CELF5: variants seen among roughly 807,000 people sequenced by gnomAD.
CELF5 encodes CUGBP Elav-like family member 5.
CELF5 carries 6 observed loss-of-function variants against 54.9 expected under a neutral mutation model. The observed-to-expected ratio is 0.11, with a 90% CI of 0.06 to 0.22. The LOEUF (loss-of-function observed/expected upper bound fraction) is 0.22. Among genes scored for constraint, CELF5 ranks in the 10% least tolerant of loss-of-function variants. The pLI is 1.00. For synonymous variants in CELF5, 271 were observed against 290.9 expected (o/e 0.93, Z 0.70); for missense variants, 401 against 678.6 (o/e 0.59, Z 4.54).
At chr19:3,259,090 T>A (rs573658388) in intron 2 of CELF5, among the ~76,000 whole-genome samples, 2 of 151,810 alleles carry the variant, frequency 1.3e-5, no homozygotes, top group East Asian at 3.9e-4. Flanking sequence ...TTGGGATGAG[T>A]CGAGAGATGG....
At chr19:3,244,203 G>C (rs1269735780) in intron 1 of CELF5, among the ~76,000 whole-genome samples, 1 of 152,046 alleles carries the variant, frequency 6.6e-6, no homozygotes, top group Non-Finnish European at 1.5e-5. Flanking sequence ...TTCAGCACCA[G>C]GGACAGCGTC....
intron 2 of CELF5, among the ~76,000 whole-genome samples, chr19:3,263,854 G>A (rs534672868): frequency 7.2e-5 from 11 of 152,190 alleles, no homozygotes; most frequent in African/African-American, 2.4e-4. Context: ...GCAGTGAGCC[G>A]AGATTGCACC....
In CELF5 at chr19:3,224,826, C is replaced by T. The variant is rs774484034; in HGVS notation, c.87C>T (p.Pro29=). The T allele has an allele frequency of 1.3e-6, 2 of 1,576,342 alleles. No homozygotes were observed. Among genetic ancestry groups the T allele is most frequent in the Non-Finnish European group, 1.7e-6 (2 of 1,162,652 alleles). ...PRPSPVGSSG[P]EPPGGQPDGM... is the part of the protein sequence containing the mutation. ...CCTCGCCCGTGGGCAGCAGCGGGCC[C>T]GAGCCCCCCGGGGGGCAGCCCGACG... is the stretch of plus-strand genomic sequence containing the variant. Residue 29 remains proline, a synonymous_variant, in exon 1 of 13, where the codon CCC becomes CCT. Transcript: ENST00000292672.
Position 3,284,962 on chromosome 19 carries a change from C to G in CELF5, c.1100C>G (p.Thr367Arg). The change falls in exon 9 of 13, where the codon ACA becomes AGA. Residue 367 changes from threonine (T) to arginine (R), a missense_variant and splice_region_variant. Transcript: ENST00000292672. The stretch of plus-strand genomic sequence containing the variant: ...GCCTTCTCCGGAGTCCAGCAGTACA[C>G]AGGTAGGAGGCAGCCCGCGTGCCCG... ...HPAFSGVQQY[T>R]AMYPTAAITP... 1 of 1,610,594 alleles carries G rather than the reference C, an allele frequency of 6.2e-7. No individual in the cohort carries two copies. Among genetic ancestry groups the G allele is most frequent in the Middle Eastern group, 1.9e-4 (1 of 5,332 alleles).
chr19:3,235,522 ATGAATAGGTGGG>A (rs1305451628), intron 1 of CELF5, among the ~76,000 whole-genome samples: 178 of 119,776 alleles, frequency 1.5e-3, no homozygotes, highest in Middle Eastern at 5.0e-3. Context: ...GGATGGATGG[ATGAATAGGTGGG>A]TGGGTGGATG....
chr19:3,283,662 G>A (rs1251200933), intron 8 of CELF5, among the ~76,000 whole-genome samples: 1 of 151,984 alleles, frequency 6.6e-6, no homozygotes, highest in Non-Finnish European at 1.5e-5. Context: ...GAAATGATTG[G>A]AGGTTCACAG....
chr19:3,228,618 G>C lies in CELF5; in HGVS notation c.259+3620G>C, dbSNP rs1031488094. Among the ~76,000 whole-genome samples the C allele has an allele frequency of 3.8e-4, 58 of 152,138 alleles. No individual in the cohort carries two copies. Among genetic ancestry groups the C allele is most frequent in the East Asian group, 3.7e-3 (19 of 5,162 alleles). On this transcript the variant is annotated intron_variant, in intron 1 of 12. Coordinates refer to ENST00000292672, the MANE Select transcript of CELF5 (RefSeq NM_021938.4). This position sits in a 1 kb window ranked among gnomAD's most constrained non-coding sequence, Gnocchi z 6.0. ...TTGCGCTGGGGGACGGTGCAGGTGG[G>C]GGGGGGGCCCGGCGGGGGCCCGGGT...
intron 2 of CELF5, among the ~76,000 whole-genome samples, chr19:3,264,446 T>C (rs557005487): frequency 6.6e-6 from 1 of 151,774 alleles, no homozygotes; most frequent in Admixed American, 6.6e-5. Context: ...GACGGAGTCT[T>C]GCTGTGTCAC....
chr19:3,239,279 T>TA (rs2079458379), intron 1 of CELF5, among the ~76,000 whole-genome samples: 1 of 151,684 alleles, frequency 6.6e-6, no homozygotes, highest in African/African-American at 2.4e-5. Flanking sequence ...GTTTTTTTTT[T>TA]ATTAGAGACA....
intron 1 of CELF5, among the ~76,000 whole-genome samples, chr19:3,226,325 G>A (rs76449575): frequency 2.0e-5 from 3 of 151,954 alleles, no homozygotes; most frequent in Non-Finnish European, 4.4e-5. Context: ...AGGCCCTAGG[G>A]AGGGTCTGGT....
chr19:3,283,418 G>A (rs952412639), intron 8 of CELF5, among the ~76,000 whole-genome samples: 6 of 150,886 alleles, frequency 4.0e-5, no homozygotes, highest in Admixed American at 3.3e-4. Flanking sequence ...TGGTGTCGTC[G>A]CAGCTCACTG....
chr19:3,247,279 A>G (rs2079580121), intron 1 of CELF5, among the ~76,000 whole-genome samples: 1 of 152,096 alleles, frequency 6.6e-6, no homozygotes, highest in South Asian at 2.1e-4. Context: ...GGCCCCTGCC[A>G]CCACGCCCGA....
intron 1 of CELF5, among the ~76,000 whole-genome samples, chr19:3,247,827 T>A (rs536972503): frequency 6.6e-6 from 1 of 152,144 alleles, no homozygotes; most frequent in Admixed American, 6.6e-5. Context: ...AGTGGCGTGA[T>A]CTTGGCTCAT....
chr19:3,236,175 C>A (rs780152060), intron 1 of CELF5, among the ~76,000 whole-genome samples: 5 of 151,988 alleles, frequency 3.3e-5, no homozygotes, highest in Non-Finnish European at 5.9e-5. Flanking sequence ...GGCATTTATG[C>A]GTGCATTGAG....
chr19:3,284,862 T>C (rs759902716), intron 8 of CELF5, 40 bp from the exon 9 acceptor site: 1 of 1,592,634 alleles, frequency 6.3e-7, no homozygotes, highest in Admixed American at 1.7e-5. Flanking sequence ...GGAAGACTTC[T>C]GCTGCTCCCG....
At position 3,258,507 on chromosome 19, in the gene CELF5, C is replaced by T. The variant is rs537013969; in HGVS notation, c.342+7440C>T. Among the ~76,000 whole-genome samples, 3 of 152,236 alleles carry T rather than the reference C, an allele frequency of 2.0e-5. No individual in the cohort carries two copies. The South Asian group carries it at 6.2e-4, about 32-fold the overall frequency. ...GCCTACATCCAGGATAATTTTATCT[C>T]AAGATCCTTCATTTAATTACATCTG... On this transcript the variant is annotated intron_variant, in intron 2 of 12. Coordinates refer to ENST00000292672, the MANE Select transcript of CELF5 (RefSeq NM_021938.4).
At chr19:3,225,469 C>A (rs1916849300) in intron 1 of CELF5, 1 of 266,908 alleles carries the variant, frequency 3.7e-6, no homozygotes, top group Non-Finnish European at 5.5e-6. Context: ...CCCTCCCTGC[C>A]CCCCCACCCC....
At chr19:3,225,099 C>A (rs1912517349) in intron 1 of CELF5, 101 bp downstream of exon 1, 2 of 755,178 alleles carry the variant, frequency 2.6e-6, no homozygotes, top group Non-Finnish European at 4.1e-6. Context: ...CTGCTCACCT[C>A]CCTCCTCTGC....
chr19:3,226,475 C>CACACACACACACAA (rs3222224), intron 1 of CELF5, among the ~76,000 whole-genome samples: 5 of 151,500 alleles, frequency 3.3e-5, no homozygotes, highest in Non-Finnish European at 5.9e-5. Context: ...CACACACACA[C>CACACACACACACAA]AAAATTGGGC....
Sources: allele counts gnomAD v4.1 joint callset (sites outside exome capture counted in the v4.1 genomes callset), GRCh38; gene constraint gnomAD v4.1.1; non-coding constraint Gnocchi (gnomAD v3.1); transcripts MANE v1.5; gene names NCBI Gene and HGNC (gene_info 2026-07-23, HGNC 2026-07-21).